GREB1L: variants seen among roughly 807,000 people sequenced by gnomAD.
GREB1L encodes the protein GREB1 like retinoic acid receptor coactivator.
GREB1L carries 17 observed loss-of-function variants against 200.8 expected under a neutral mutation model. That is an observed-to-expected ratio of 0.08 (90% confidence interval 0.06 to 0.13). The LOEUF is 0.13. GREB1L is among the 10% of genes least tolerant of loss of function. The pLI is 1.00. For missense variants in GREB1L, 1,657 were observed against 2,367.7 expected (o/e 0.70, Z 6.23); for synonymous variants, 789 against 893.0 (o/e 0.88, Z 2.08).
intron 6 of GREB1L, among the ~76,000 whole-genome samples, chr18:21,403,471 C>T (rs1057388812): frequency 1.3e-5 from 2 of 152,024 alleles, no homozygotes; most frequent in African/African-American, 4.8e-5. Flanking sequence ...CTAGACAGAC[C>T]CTAGGTTACT....
At chr18:21,294,592 G>A (rs539254217) in intron 1 of GREB1L, among the ~76,000 whole-genome samples, 1 of 151,142 alleles carries the variant, frequency 6.6e-6, no homozygotes, top group East Asian at 1.9e-4. Context: ...ATTGTTTAGT[G>A]GTTATTATAA....
Position 21,502,263 on chromosome 18 carries a change from A to AAAG in GREB1L, c.4072+1633_4072+1635dup, listed in dbSNP as rs572587810. Among the ~76,000 whole-genome samples the AAAG allele has an allele frequency of 7.7e-3, 1,163 of 151,892 alleles. 17 individuals carry two copies. The highest frequency in any genetic ancestry group is 0.027 in the African/African-American group (1,120 of 41,382). ...GAGACTCTGTCTCAAAAAAAAAAAA[A>AAAG]AAGAAGAAGAAGAATAGTGTGGCTC... On this transcript the variant is annotated intron_variant, in intron 23 of 32. Transcript: ENST00000424526.
chr18:21,287,887 C>A (rs371955101), intron 1 of GREB1L, among the ~76,000 whole-genome samples: 83 of 151,498 alleles, frequency 5.5e-4, no homozygotes, highest in African/African-American at 1.9e-3. Flanking sequence ...CTCCGCCTCC[C>A]GGGTTCAAGT....
At chr18:21,307,813 T>C (rs1263976559) in intron 1 of GREB1L, among the ~76,000 whole-genome samples, 2 of 152,106 alleles carry the variant, frequency 1.3e-5, no homozygotes, top group Non-Finnish European at 2.9e-5. Context: ...TGGGGTTGCC[T>C]TGGGCTGCCC....
chr18:21,499,436 C>A (rs2036682903), intron 21 of GREB1L, among the ~76,000 whole-genome samples: 1 of 152,134 alleles, frequency 6.6e-6, no homozygotes, highest in South Asian at 2.1e-4. Context: ...AGACCTGAGC[C>A]GCAGCCCACA....
chr18:21,482,903 A>G (rs1213775172), intron 17 of GREB1L, among the ~76,000 whole-genome samples: 1 of 152,192 alleles, frequency 6.6e-6, no homozygotes, highest in East Asian at 1.9e-4. Flanking sequence ...ACGATTTATG[A>G]TACCTGAAAC....
chr18:21,255,220 C>G (rs1433336027), intron 1 of GREB1L, among the ~76,000 whole-genome samples: 1 of 152,164 alleles, frequency 6.6e-6, no homozygotes, highest in Non-Finnish European at 1.5e-5. Context: ...GCCTATCTAT[C>G]CTGCTCATGT....
intron 1 of GREB1L, among the ~76,000 whole-genome samples, chr18:21,260,625 A>C (rs961764510): frequency 2.0e-5 from 3 of 152,004 alleles, no homozygotes; most frequent in Non-Finnish European, 4.4e-5. Context: ...GGTGTTTAGA[A>C]ATACTTTTCC....
chr18:21,293,598 A>G (rs895570895), intron 1 of GREB1L, among the ~76,000 whole-genome samples: 5 of 152,142 alleles, frequency 3.3e-5, no homozygotes, highest in Non-Finnish European at 7.4e-5. Context: ...ATTTTCTCTT[A>G]TGGGTTTAGA....
rs370922853 is a variant in GREB1L at position 21,477,396 on chromosome 18, T to C, written c.2556+40T>C. The C allele has an allele frequency of 5.4e-5, 79 of 1,457,416 alleles. 1 individual carries two copies. Among genetic ancestry groups the C allele is most frequent in the Admixed American group, 4.1e-4 (19 of 45,802 alleles). 90.3% of individuals were successfully genotyped at this position (1,457,416 alleles called of 1,614,324 possible). On this transcript the variant is annotated intron_variant, in intron 17 of 32. Coordinates refer to ENST00000424526, the MANE Select transcript of GREB1L (RefSeq NM_001142966.3). The stretch of plus-strand genomic sequence containing the variant: ...TGCTGTCTGATACACTGTCATGTTC[T>C]CAGTTCCCAAGAGGGTAGGACCTTG...
At chr18:21,262,920 T>C (rs1282572480) in intron 1 of GREB1L, among the ~76,000 whole-genome samples, 2 of 152,172 alleles carry the variant, frequency 1.3e-5, no homozygotes, top group African/African-American at 4.8e-5. Context: ...CTTACAGGGG[T>C]ATTTTCAAGA....
intron 1 of GREB1L, among the ~76,000 whole-genome samples, chr18:21,262,500 A>T (rs984703602): frequency 3.3e-5 from 5 of 152,142 alleles, no homozygotes; most frequent in Non-Finnish European, 7.4e-5. Context: ...GCTCCGTTAC[A>T]CTTCTGCTTT....
At chr18:21,422,139 T>C (rs918993291) in intron 7 of GREB1L, among the ~76,000 whole-genome samples, 1 of 152,128 alleles carries the variant, frequency 6.6e-6, no homozygotes, top group Admixed American at 6.6e-5. Flanking sequence ...GTAGAGAGAA[T>C]GAGGCCTTGG....
rs2036559053 is a variant in GREB1L, at chr18:21,496,664, C to T, written c.3357C>T (p.Pro1119=). 2 of 1,551,424 alleles carry T rather than the reference C, an allele frequency of 1.3e-6. No homozygotes were observed. Among genetic ancestry groups the T allele is most frequent in the South Asian group, 2.4e-5 (2 of 84,048 alleles). Residue 1119 remains proline, a synonymous_variant, in exon 21 of 33, where the codon CCC becomes CCT. Transcript: ENST00000424526. ...AGCTGCTCATCGACCTGGAGCGGCC[C>T]CAGAGCAACAGCAGCGCTGTCACAG... is the stretch of plus-strand genomic sequence containing the variant. ...SDELLIDLER[P]QSNSSAVTGT...
intron 17 of GREB1L, among the ~76,000 whole-genome samples, chr18:21,481,201 T>A (rs1376035798): frequency 6.6e-6 from 1 of 151,718 alleles, no homozygotes; most frequent in Non-Finnish European, 1.5e-5. Flanking sequence ...GAACAGGGGA[T>A]GGCCCTGGAA....
intron 1 of GREB1L, among the ~76,000 whole-genome samples, chr18:21,275,550 G>T (rs1274093894): frequency 6.6e-6 from 1 of 152,010 alleles, no homozygotes; most frequent in East Asian, 1.9e-4. Flanking sequence ...CTACTCGGGA[G>T]GCTGAGGCAG....
rs553361741 is a variant in GREB1L at position 21,400,634 on chromosome 18, A to G, written c.533-516A>G. On this transcript the variant is annotated intron_variant, in intron 5 of 32. Coordinates refer to ENST00000424526, the MANE Select transcript of GREB1L (RefSeq NM_001142966.3). ...TCCAGGGTCCAGTACCACCTGCCTGACTTTTTGTATTTATTTCAAAATTCC... is the reference window on the plus strand; with the variant it reads ...TCCAGGGTCCAGTACCACCTGCCTGGCTTTTTGTATTTATTTCAAAATTCC... 1.1e-3 allele frequency among the ~76,000 whole-genome samples: 161 copies of G among 152,194 alleles called. 1 individual carries two copies. The highest frequency in any genetic ancestry group is 1.7e-3 in the Non-Finnish European group (118 of 68,016).
intron 1 of GREB1L, among the ~76,000 whole-genome samples, chr18:21,258,550 G>A (rs2037837781): frequency 6.6e-6 from 1 of 152,176 alleles, no homozygotes; most frequent in African/African-American, 2.4e-5. Flanking sequence ...GGGCAAGGGA[G>A]GGTAATGGAA....
intron 7 of GREB1L, among the ~76,000 whole-genome samples, chr18:21,421,402 A>G (rs1567996083): frequency 6.6e-6 from 1 of 152,254 alleles, no homozygotes; most frequent in Non-Finnish European, 1.5e-5. Context: ...TGAATCAAAA[A>G]TAAAACATGG....
Sources: allele counts gnomAD v4.1 joint callset (sites outside exome capture counted in the v4.1 genomes callset), GRCh38; gene constraint gnomAD v4.1.1; transcripts MANE v1.5; gene names NCBI Gene and HGNC (gene_info 2026-07-23, HGNC 2026-07-21).